Variants in MARCHF1 observed in about 807,000 individuals in gnomAD.
MARCHF1 encodes E3 ubiquitin-protein ligase MARCHF1.
MARCHF1 carries 40 observed loss-of-function variants against 54.2 expected under a neutral mutation model. The observed-to-expected ratio is 0.74, with a 90% CI of 0.57 to 0.96. MARCHF1 has a LOEUF of 0.96. Among genes scored for constraint, MARCHF1 ranks in the 40% least tolerant of loss-of-function variants. The pLI is 0.00. For missense variants in MARCHF1, 586 were observed against 656.5 expected (o/e 0.89, Z 1.17); for synonymous variants, 236 against 236.3 (o/e 1.00, Z 0.01).
chr4:164,249,549 A>T (rs1037234459), intron 1 of MARCHF1, among the ~76,000 whole-genome samples: 2 of 152,028 alleles, frequency 1.3e-5, no homozygotes, highest in African/African-American at 4.8e-5. Context: ...AAACATTGTA[A>T]ATTGAATTTT....
At chr4:164,190,268 C>T in intron 1 of MARCHF1, 1 of 997,428 alleles carries the variant, frequency 1.0e-6, no homozygotes, top group South Asian at 1.4e-5. Flanking sequence ...CACTTATCAG[C>T]AAACTCTATG....
intron 2 of MARCHF1, among the ~76,000 whole-genome samples, chr4:164,095,347 A>C (rs1755387210): frequency 6.6e-6 from 1 of 152,024 alleles, no homozygotes; most frequent in African/African-American, 2.4e-5. Flanking sequence ...AGGATAAATG[A>C]GGTAATATAG....
At chr4:163,986,945 A>T (rs1362911491) in intron 3 of MARCHF1, among the ~76,000 whole-genome samples, 1 of 152,172 alleles carries the variant, frequency 6.6e-6, no homozygotes, top group African/African-American at 2.4e-5. Flanking sequence ...ATACCAAACA[A>T]ATTTGCCACC....
At chr4:163,929,998 T>G (rs566468930) in intron 3 of MARCHF1, among the ~76,000 whole-genome samples, 271 of 125,902 alleles carry the variant, frequency 2.2e-3, no homozygotes, top group African/African-American at 6.6e-3. Flanking sequence ...ATATAATATA[T>G]TATATATAAA....
chr4:164,118,373 G>A (rs897927167), intron 1 of MARCHF1, among the ~76,000 whole-genome samples: 1 of 150,522 alleles, frequency 6.6e-6, no homozygotes, highest in Admixed American at 6.6e-5. Flanking sequence ...TTTCCTAATA[G>A]AAACATACAA....
At chr4:163,643,195 G>A (rs1742621697) in intron 5 of MARCHF1, among the ~76,000 whole-genome samples, 1 of 151,396 alleles carries the variant, frequency 6.6e-6, no homozygotes, top group African/African-American at 2.4e-5. Context: ...AGTGGTAGTG[G>A]TGCACGTCTG....
At chr4:163,990,325 G>A (rs1752948608) in intron 2 of MARCHF1, among the ~76,000 whole-genome samples, 2 of 151,826 alleles carry the variant, frequency 1.3e-5, no homozygotes, top group South Asian at 4.1e-4. Flanking sequence ...CTGCAGTGGA[G>A]ACAAGAAGGG....
chr4:164,299,421 A>T (rs1239122847), intron 1 of MARCHF1, among the ~76,000 whole-genome samples: 1 of 152,202 alleles, frequency 6.6e-6, no homozygotes, highest in Non-Finnish European at 1.5e-5. Flanking sequence ...GCAGGCCTTT[A>T]AGAATAAGAT....
intron 2 of MARCHF1, among the ~76,000 whole-genome samples, chr4:164,106,937 C>T (rs1221649411): frequency 6.6e-6 from 1 of 152,130 alleles, no homozygotes; most frequent in Middle Eastern, 3.4e-3. Flanking sequence ...AAGGCTGATA[C>T]AAGAAACAAC....
chr4:164,197,003 G>A (rs758000154), intron 1 of MARCHF1: 1 of 1,604,620 alleles, frequency 6.2e-7, no homozygotes, highest in Middle Eastern at 1.7e-4. Flanking sequence ...TCATCTTCAG[G>A]TTCTCATTTT....
chr4:163,673,945 A>T (rs887022498), intron 5 of MARCHF1, among the ~76,000 whole-genome samples: 1 of 152,206 alleles, frequency 6.6e-6, no homozygotes, highest in Non-Finnish European at 1.5e-5. Flanking sequence ...AGGAATATGA[A>T]TTCCACGAGT....
chr4:163,939,809 A>C (rs760367415), intron 3 of MARCHF1, among the ~76,000 whole-genome samples: 3 of 152,166 alleles, frequency 2.0e-5, no homozygotes, highest in South Asian at 4.1e-4. Context: ...TCAGCATAAC[A>C]TGCCGAACTA....
intron 1 of MARCHF1, among the ~76,000 whole-genome samples, chr4:164,257,745 A>G (rs1316486036): frequency 1.3e-5 from 2 of 152,050 alleles, no homozygotes; most frequent in Non-Finnish European, 2.9e-5. Context: ...AGGTGGGGGG[A>G]TCACTTGAGG....
chr4:164,145,996 A>G (rs375463155), intron 1 of MARCHF1, among the ~76,000 whole-genome samples: 2 of 61,906 alleles, frequency 3.2e-5, no homozygotes, highest in African/African-American at 6.7e-5. Flanking sequence ...AAATCAATGT[A>G]CAAAAATCAC....
In MARCHF1 at chr4:163,745,115, C is replaced by CT. The variant is rs537922396; in HGVS notation, c.112-44253dup. Among the ~76,000 whole-genome samples the CT allele has an allele frequency of 3.4e-3, 475 of 139,356 alleles. 5 individuals carry two copies. The South Asian group carries it at 0.052, about 15-fold the overall frequency. The allele number at this position is 139,356 out of a possible 152,430, so 91.4% of individuals were successfully genotyped here. A position where few individuals can be genotyped will look rare whatever the true frequency, so the allele number is the denominator to read the frequency against. ...GCTCGTTTTTTCTTTTTCTTTCTTT[C>CT]TTTTTTTTTTTTTTTGAGACAGAGT... On this transcript the variant is annotated intron_variant, in intron 4 of 9. Transcript: ENST00000514618.
At chr4:164,020,154 A>T (rs971850538) in intron 2 of MARCHF1, among the ~76,000 whole-genome samples, 1 of 152,164 alleles carries the variant, frequency 6.6e-6, no homozygotes. Flanking sequence ...CAGTTCCTTC[A>T]TAAGAGTTTA....
intron 4 of MARCHF1, among the ~76,000 whole-genome samples, chr4:163,736,844 TTAAAAA>T (rs1393126919): frequency 6.6e-6 from 1 of 152,204 alleles, no homozygotes; most frequent in Non-Finnish European, 1.5e-5. Context: ...TGCTTTTTCA[TTAAAAA>T]TAAAGTCTTG....
chr4:163,944,837 G>A (rs1751993913), intron 3 of MARCHF1, among the ~76,000 whole-genome samples: 1 of 152,094 alleles, frequency 6.6e-6, no homozygotes, highest in Non-Finnish European at 1.5e-5. Context: ...ATGACAATTT[G>A]GTTAATGTGA....
At chr4:163,785,083 T>C (rs1025423015) in intron 4 of MARCHF1, among the ~76,000 whole-genome samples, 32 of 152,134 alleles carry the variant, frequency 2.1e-4, no homozygotes, top group Admixed American at 2.0e-3. Flanking sequence ...AGATAAATGC[T>C]AGAGAGATAA....
Sources: gnomAD v4.1 joint callset for allele counts (sites outside exome capture counted in the v4.1 genomes callset) on GRCh38, gnomAD v4.1.1 for gene constraint, MANE v1.5 for transcripts, NCBI Gene and HGNC (gene_info 2026-07-23, HGNC 2026-07-21) for gene names.